Variants in FAM135B observed in about 807,000 individuals in gnomAD.
The protein encoded by FAM135B is family with sequence similarity 135 member B, also known as protein FAM135B.
Under a neutral mutation model 127.7 loss-of-function variants are expected in FAM135B, and 43 were observed. The observed-to-expected ratio is 0.34, with a 90% CI of 0.26 to 0.43. The LOEUF (loss-of-function observed/expected upper bound fraction) is 0.43, where lower values mean the gene tolerates loss of function less well. Among genes scored for constraint, FAM135B ranks in the 20% least tolerant of loss-of-function variants. The probability of loss-of-function intolerance (pLI) is 1.00; values close to 1 mark genes in which losing one functional copy is unlikely to be tolerated. For missense variants in FAM135B, 1,558 were observed against 1,725.6 expected (o/e 0.90, Z 1.72); for synonymous variants, 670 against 665.1 (o/e 1.01, Z -0.11).
intron 1 of FAM135B, among the ~76,000 whole-genome samples, chr8:138,381,257 CAAAGTGCTCCACTACCTCTA>C (rs1304818168): frequency 6.6e-6 from 1 of 152,178 alleles, no homozygotes; most frequent in African/African-American, 2.4e-5. Context: ...ATACTCTCAT[CAAAGTGCTCCACTACCTCTA>C]AATATGGTTT....
intron 12 of FAM135B, among the ~76,000 whole-genome samples, chr8:138,156,344 G>A (rs1001931343): frequency 3.0e-4 from 45 of 152,156 alleles, no homozygotes; most frequent in Non-Finnish European, 5.9e-5. Flanking sequence ...GAGAAAGCAG[G>A]AAAGATCTAA....
At chr8:138,355,291 T>C (rs1830024435) in intron 2 of FAM135B, among the ~76,000 whole-genome samples, 1 of 152,124 alleles carries the variant, frequency 6.6e-6, no homozygotes, top group Non-Finnish European at 1.5e-5. Flanking sequence ...GCGGCACTAC[T>C]CACAACGGCA....
intron 11 of FAM135B, among the ~76,000 whole-genome samples, chr8:138,169,791 G>GA (rs1157338231): frequency 2.0e-5 from 3 of 152,124 alleles, no homozygotes; most frequent in South Asian, 2.1e-4. Flanking sequence ...CAACATTCAT[G>GA]AAAAAAACAA....
chr8:138,268,510 G>A (rs983825592), intron 3 of FAM135B, among the ~76,000 whole-genome samples: 1 of 152,144 alleles, frequency 6.6e-6, no homozygotes, highest in Non-Finnish European at 1.5e-5. Flanking sequence ...CATAGAACAG[G>A]TGTCTTTTTT....
intron 1 of FAM135B, among the ~76,000 whole-genome samples, chr8:138,369,482 G>A (rs1386296091): frequency 6.6e-6 from 1 of 152,162 alleles, no homozygotes; most frequent in African/African-American, 2.4e-5. Context: ...GTTTCATCCG[G>A]GAAATATTTC....
intron 7 of FAM135B, among the ~76,000 whole-genome samples, chr8:138,206,106 T>C (rs78108565): frequency 1.2e-4 from 10 of 86,692 alleles, no homozygotes; most frequent in African/African-American, 4.3e-4. Context: ...GGCTCCAGCA[T>C]CACCTCCACC....
intron 2 of FAM135B, among the ~76,000 whole-genome samples, chr8:138,359,191 T>A (rs995277803): frequency 6.6e-6 from 1 of 152,074 alleles, no homozygotes; most frequent in African/African-American, 2.4e-5. Context: ...GGATGTAAAA[T>A]TGTTATTAAA....
In FAM135B at chr8:138,153,418, G is replaced by A. The variant is rs572425821; in HGVS notation, c.1259-202C>T. Reference sequence around the variant, plus strand: ...TTTCTGCATTTCCAAGTGAGGTACCGGGTCCATCTCATTGGGACTTGTTGG... The same window carrying A: ...TTTCTGCATTTCCAAGTGAGGTACCAGGTCCATCTCATTGGGACTTGTTGG... On this transcript the variant is annotated intron_variant, in intron 12 of 19. Transcript: ENST00000395297. Among the ~76,000 whole-genome samples, 42 of 152,222 alleles carry A rather than the reference G, an allele frequency of 2.8e-4. No individual in the cohort carries two copies. The East Asian group carries it at 5.2e-3, about 19-fold the overall frequency.
intron 5 of FAM135B, among the ~76,000 whole-genome samples, chr8:138,252,375 T>A (rs139672986): frequency 6.6e-6 from 1 of 152,196 alleles, no homozygotes; most frequent in Non-Finnish European, 1.5e-5. Context: ...TCACAGTTGT[T>A]TCTGAGTTAC....
At chr8:138,383,830 T>A (rs1832019410) in intron 1 of FAM135B, among the ~76,000 whole-genome samples, 1 of 152,210 alleles carries the variant, frequency 6.6e-6, no homozygotes, top group Non-Finnish European at 1.5e-5. Context: ...CCAATCAAAC[T>A]GGGTTCCTTA....
At chr8:138,178,502 T>C in intron 10 of FAM135B, 33 bp downstream of exon 10, 3 of 1,610,352 alleles carry the variant, frequency 1.9e-6, no homozygotes, top group African/African-American at 2.7e-5. Context: ...CAAATGCATG[T>C]GATCAGAGAA....
chr8:138,335,675 C>T (rs1415869109), intron 2 of FAM135B, among the ~76,000 whole-genome samples: 2 of 152,200 alleles, frequency 1.3e-5, no homozygotes, highest in Non-Finnish European at 1.5e-5. Flanking sequence ...TAACACCCCA[C>T]TGTCAACATT....
intron 7 of FAM135B, among the ~76,000 whole-genome samples, chr8:138,219,131 T>C (rs890787589): frequency 2.4e-4 from 36 of 152,196 alleles, no homozygotes; most frequent in African/African-American, 7.5e-4. Flanking sequence ...CTATCTTCAC[T>C]ACTGTTCATA....
At chr8:138,356,900 C>T (rs1587215232) in intron 2 of FAM135B, among the ~76,000 whole-genome samples, 1 of 152,110 alleles carries the variant, frequency 6.6e-6, no homozygotes, top group African/African-American at 2.4e-5. Flanking sequence ...ATGTTTAATT[C>T]TTCTAAGCTT....
chr8:138,257,997 G>A (rs114174565), intron 4 of FAM135B, among the ~76,000 whole-genome samples: 1,615 of 152,098 alleles, frequency 0.011, 28 homozygotes, highest in African/African-American at 0.036. Context: ...TTGCTGTCCC[G>A]TCTACCACCA....
intron 9 of FAM135B, among the ~76,000 whole-genome samples, chr8:138,189,051 A>G (rs2131063350): frequency 6.6e-6 from 1 of 152,274 alleles, no homozygotes; most frequent in East Asian, 1.9e-4. Context: ...AAAACCATCC[A>G]TGGCCTGCCC....
chr8:138,273,353 A>G (rs2326234), intron 3 of FAM135B, among the ~76,000 whole-genome samples: 145,564 of 151,522 alleles, frequency 0.96, 69,870 homozygotes, highest in Non-Finnish European at 1. Context: ...TTACAGGTGC[A>G]TGCCACCATG....
intron 2 of FAM135B, among the ~76,000 whole-genome samples, chr8:138,363,237 G>A (rs1162906700): frequency 6.6e-6 from 1 of 152,160 alleles, no homozygotes; most frequent in African/African-American, 2.4e-5. Context: ...GGCTGTACTT[G>A]TAGTAGTGAA....
intron 1 of FAM135B, among the ~76,000 whole-genome samples, chr8:138,381,459 TC>T (rs1312472697): frequency 9.9e-5 from 15 of 152,208 alleles, no homozygotes; most frequent in Admixed American, 7.8e-4. Flanking sequence ...CTTGTGCATG[TC>T]AAAATAGCCC....
Sources: gnomAD v4.1 joint callset for allele counts (sites outside exome capture counted in the v4.1 genomes callset) on GRCh38, gnomAD v4.1.1 for gene constraint, MANE v1.5 for transcripts, NCBI Gene and HGNC (gene_info 2026-07-23, HGNC 2026-07-21) for gene names.